Variants in NRG3 observed in about 807,000 individuals in gnomAD.
NRG3 encodes neuregulin 3.
In NRG3, 31 loss-of-function variants were observed where a neutral mutation model predicts 66.9. The observed-to-expected ratio is 0.46, with a 90% CI of 0.35 to 0.63. The LOEUF (loss-of-function observed/expected upper bound fraction) is 0.63, where lower values mean the gene tolerates loss of function less well. NRG3 is among the 20% of genes least tolerant of loss of function. The probability of loss-of-function intolerance (pLI) is 0.00; values close to 1 mark genes in which losing one functional copy is unlikely to be tolerated. For missense variants in NRG3, 910 were observed against 878.9 expected, an observed-to-expected ratio of 1.04 and a Z score of -0.45; for synonymous variants, 393 against 359.4, an observed-to-expected ratio of 1.09 and a Z score of -1.06.
chr10:82,809,240 A>G (rs943528824), intron 3 of NRG3, among the ~76,000 whole-genome samples: 11 of 152,200 alleles, frequency 7.2e-5, no homozygotes, highest in Non-Finnish European at 1.3e-4. Flanking sequence ...GTGTATGTAA[A>G]GGAGAAAAAA....
intron 3 of NRG3, among the ~76,000 whole-genome samples, chr10:82,802,202 T>G (rs958697272): frequency 1.3e-5 from 2 of 152,076 alleles, no homozygotes; most frequent in Non-Finnish European, 2.9e-5. Context: ...GCTAGGAAAG[T>G]GAGAGAAAAC....
At chr10:81,907,642 T>C (rs1471927166) in intron 1 of NRG3, among the ~76,000 whole-genome samples, 1 of 152,206 alleles carries the variant, frequency 6.6e-6, no homozygotes, top group Non-Finnish European at 1.5e-5. Context: ...TTAATATTTT[T>C]AGCTGAGAAT....
At chr10:82,781,913 T>C (rs1171129508) in intron 3 of NRG3, among the ~76,000 whole-genome samples, 1 of 152,180 alleles carries the variant, frequency 6.6e-6, no homozygotes, top group Non-Finnish European at 1.5e-5. Context: ...CAAATGTAAT[T>C]ACAGTGGTTT....
At chr10:82,642,299 G>C (rs1054079363) in intron 2 of NRG3, among the ~76,000 whole-genome samples, 2 of 151,308 alleles carry the variant, frequency 1.3e-5, no homozygotes, top group African/African-American at 4.9e-5. Flanking sequence ...TATTACAGCT[G>C]GCAAGTGAGA....
intron 1 of NRG3, among the ~76,000 whole-genome samples, chr10:82,236,053 G>A (rs967533468): frequency 6.6e-6 from 1 of 151,924 alleles, no homozygotes; most frequent in African/African-American, 2.4e-5. Flanking sequence ...TCTCACTGGT[G>A]TCTTGTGTCC....
intron 1 of NRG3, among the ~76,000 whole-genome samples, chr10:81,902,622 GAAAT>G (rs1844185655): frequency 6.6e-6 from 1 of 152,144 alleles, no homozygotes; most frequent in African/African-American, 2.4e-5. Context: ...AGAATAATGA[GAAAT>G]AAATGTGTGT....
intron 4 of NRG3, among the ~76,000 whole-genome samples, chr10:82,913,267 C>T (rs970260187): frequency 1.3e-5 from 2 of 152,094 alleles, no homozygotes; most frequent in African/African-American, 2.4e-5. Context: ...TTATTTTCAT[C>T]CCTTATAACA....
intron 1 of NRG3, among the ~76,000 whole-genome samples, chr10:82,136,404 C>G (rs2069348651): frequency 6.6e-6 from 1 of 151,580 alleles, no homozygotes; most frequent in South Asian, 2.1e-4. Flanking sequence ...AGGCGTGTGT[C>G]CTTCTCTTTA....
In NRG3 at chr10:82,699,409, G is replaced by A. The variant is rs553587605; in HGVS notation, c.954-39168G>A. 3.3e-4 allele frequency among the ~76,000 whole-genome samples: 50 copies of A among 152,058 alleles called. No individual in the cohort carries two copies. In the South Asian group the frequency reaches 4.8e-3, roughly 15 times the overall value. On this transcript the variant is annotated intron_variant, in intron 2 of 8. Coordinates refer to ENST00000372141, the MANE Select transcript of NRG3 (RefSeq NM_001010848.4). Reference sequence around the variant, plus strand: ...TAACACCTGAGGATCATCTTCTTGCGCAAATTATTTTTAACGTTCTTTAGC... The same window carrying A: ...TAACACCTGAGGATCATCTTCTTGCACAAATTATTTTTAACGTTCTTTAGC...
At chr10:82,842,352 A>G (rs1463255941) in intron 3 of NRG3, among the ~76,000 whole-genome samples, 2 of 152,246 alleles carry the variant, frequency 1.3e-5, no homozygotes. Context: ...CGAATGATCA[A>G]TACACATTAA....
intron 3 of NRG3, among the ~76,000 whole-genome samples, chr10:82,785,509 G>C (rs147697338): frequency 6.6e-6 from 1 of 152,182 alleles, no homozygotes; most frequent in Non-Finnish European, 1.5e-5. Context: ...CTCTGACAAG[G>C]TCTTAGTTGT....
chr10:82,898,512 G>C (rs1271341932), intron 4 of NRG3, among the ~76,000 whole-genome samples: 2 of 152,048 alleles, frequency 1.3e-5, no homozygotes, highest in African/African-American at 4.8e-5. Context: ...GTGTGCCACA[G>C]TCCATACCCC....
chr10:82,624,935 T>A (rs189111568), intron 2 of NRG3, among the ~76,000 whole-genome samples: 108 of 147,610 alleles, frequency 7.3e-4, no homozygotes, highest in African/African-American at 2.4e-3. Context: ...TATATATATA[T>A]AAAATGTGCT....
chr10:82,821,586 T>A (rs1279462262), intron 3 of NRG3, among the ~76,000 whole-genome samples: 1 of 151,856 alleles, frequency 6.6e-6, no homozygotes, highest in Non-Finnish European at 1.5e-5. Flanking sequence ...ATCTATAAAC[T>A]TAGTAAGCAT....
chr10:81,909,116 T>G (rs1844870926), intron 1 of NRG3, among the ~76,000 whole-genome samples: 3 of 152,210 alleles, frequency 2.0e-5, no homozygotes, highest in African/African-American at 7.2e-5. Context: ...TCTTTTAGAT[T>G]CTAGTGGTTG....
intron 1 of NRG3, among the ~76,000 whole-genome samples, chr10:81,974,976 A>G (rs2060064140): frequency 6.6e-6 from 1 of 152,142 alleles, no homozygotes; most frequent in African/African-American, 2.4e-5. Flanking sequence ...GAGTAAGTTA[A>G]GTTGGGCAGG....
intron 2 of NRG3, among the ~76,000 whole-genome samples, chr10:82,373,615 A>G (rs1005452605): frequency 2.6e-5 from 4 of 152,222 alleles, no homozygotes; most frequent in Admixed American, 2.0e-4. Flanking sequence ...AATAGAGGCT[A>G]ATAATAGGAC....
chr10:82,366,183 G>A (rs2084509103), intron 2 of NRG3, among the ~76,000 whole-genome samples: 1 of 152,016 alleles, frequency 6.6e-6, no homozygotes, highest in African/African-American at 2.4e-5. Context: ...GCCCCAAAAG[G>A]CCAATGAAAG....
chr10:82,456,167 A>G (rs1590194604), intron 2 of NRG3, among the ~76,000 whole-genome samples: 2 of 124,892 alleles, frequency 1.6e-5, no homozygotes, highest in African/African-American at 3.0e-5. Context: ...TGGTAGAGAG[A>G]GGGCTTCACT....
Sources: allele counts gnomAD v4.1 joint callset (sites outside exome capture counted in the v4.1 genomes callset), GRCh38; gene constraint gnomAD v4.1.1; transcripts MANE v1.5; gene names NCBI Gene and HGNC (gene_info 2026-07-23, HGNC 2026-07-21).